Variants in IQUB observed in about 807,000 individuals in gnomAD.
The protein encoded by IQUB is IQ motif and ubiquitin domain containing, also known as IQ motif and ubiquitin-like domain-containing protein.
IQUB carries 86 observed loss-of-function variants against 86.4 expected under a neutral mutation model. The ratio of observed to expected loss-of-function variants is 1.00; its 90% CI spans 0.84 to 1.19. The LOEUF is 1.19. IQUB is among the 50% of genes most tolerant of loss of function. The pLI is 0.00. For synonymous variants in IQUB, 289 were observed against 304.5 expected, an observed-to-expected ratio of 0.95 and a Z score of 0.53; for missense variants, 946 against 916.9, an observed-to-expected ratio of 1.03 and a Z score of -0.41.
In IQUB at chr7:123,524,302, C is replaced by T. The variant is rs1330330725; in HGVS notation, c.-5+10190G>A. On this transcript the variant is annotated intron_variant, in intron 1 of 12. Transcript: ENST00000324698. ...CTGTAAATTACCTTGGGCAGTATGG[C>T]CATTTTCACGATATTGATTCTTCCT... is the stretch of plus-strand genomic sequence containing the variant. 1.1e-4 allele frequency among the ~76,000 whole-genome samples: 16 copies of T among 142,218 alleles called. No homozygotes were observed. The South Asian group carries it at 2.7e-3, about 24-fold the overall frequency. The allele number at this position is 142,218 out of a possible 152,430, so 93.3% of individuals were successfully genotyped here.
intron 8 of IQUB, among the ~76,000 whole-genome samples, chr7:123,474,498 T>G (rs958461632): frequency 4.6e-5 from 7 of 152,146 alleles, no homozygotes; most frequent in Non-Finnish European, 8.8e-5. Flanking sequence ...AAAACAGACA[T>G]TTTATAAGTA....
At position 123,452,528 on chromosome 7, in the gene IQUB, G is replaced by A. The variant is rs985445833; in HGVS notation, c.*215C>T. On this transcript the variant is annotated 3_prime_UTR_variant, in exon 13 of 13. Coordinates refer to ENST00000324698, the MANE Select transcript of IQUB (RefSeq NM_178827.5). ...TCTTTACCCCAAAATATTAATTTCA[G>A]TAACAAAATTGCATTTCAATTTAGC... 1 of 357,134 alleles carries A rather than the reference G, an allele frequency of 2.8e-6. No homozygotes were observed. The highest frequency in any genetic ancestry group is 5.0e-6 in the Non-Finnish European group (1 of 201,106). The allele number at this position is 357,134 out of a possible 1,614,324, so 22.1% of individuals were successfully genotyped here.
At chr7:123,486,098 T>C (rs1456588784) in intron 7 of IQUB, among the ~76,000 whole-genome samples, 1 of 152,112 alleles carries the variant, frequency 6.6e-6, no homozygotes, top group Non-Finnish European at 1.5e-5. Context: ...CTGGACATGA[T>C]TGTGTAGGTG....
At chr7:123,453,083 T>C (rs945121413) in intron 12 of IQUB, among the ~76,000 whole-genome samples, 158 bp from the exon 13 acceptor site, 5 of 151,884 alleles carry the variant, frequency 3.3e-5, no homozygotes, top group African/African-American at 9.7e-5. Context: ...TCAGCTCCTA[T>C]GATACTTTAA....
At chr7:123,513,662 T>C (rs1796524664) in intron 1 of IQUB, among the ~76,000 whole-genome samples, 1 of 152,206 alleles carries the variant, frequency 6.6e-6, no homozygotes, top group Non-Finnish European at 1.5e-5. Flanking sequence ...TTATTTATTC[T>C]TTTTGAGACA....
At chr7:123,472,430 G>A (rs769575575) in intron 8 of IQUB, among the ~76,000 whole-genome samples, 1 of 151,944 alleles carries the variant, frequency 6.6e-6, no homozygotes. Context: ...CTGGTTTCAA[G>A]AACTCTCAAA....
intron 7 of IQUB, among the ~76,000 whole-genome samples, chr7:123,483,120 C>T (rs547727050): frequency 5.9e-5 from 9 of 152,142 alleles, no homozygotes; most frequent in East Asian, 3.9e-4. Flanking sequence ...GTTTTCAATT[C>T]GCAGAATAAA....
At chr7:123,495,776 TTTCATTCA>T (rs549578497) in intron 7 of IQUB, among the ~76,000 whole-genome samples, 3 of 152,214 alleles carry the variant, frequency 2.0e-5, no homozygotes, top group African/African-American at 7.2e-5. Flanking sequence ...GATTTCTTCC[TTTCATTCA>T]TTCATTCATT....
At chr7:123,477,974 C>T (rs891968962) in intron 8 of IQUB, among the ~76,000 whole-genome samples, 67 of 152,244 alleles carry the variant, frequency 4.4e-4, no homozygotes, top group Admixed American at 4.1e-3. Flanking sequence ...GAAATAGGAA[C>T]GCTTTACACT....
At chr7:123,474,772 CA>C (rs1189523167) in intron 8 of IQUB, among the ~76,000 whole-genome samples, 1 of 152,118 alleles carries the variant, frequency 6.6e-6, no homozygotes, top group Non-Finnish European at 1.5e-5. Context: ...AGTCTTTAGT[CA>C]AAACTGAAGG....
At chr7:123,513,229 T>C (rs1162409007) in intron 1 of IQUB, among the ~76,000 whole-genome samples, 1 of 152,198 alleles carries the variant, frequency 6.6e-6, no homozygotes, top group Non-Finnish European at 1.5e-5. Context: ...TACTAAGTTA[T>C]AAATTTTTAA....
In IQUB at chr7:123,465,004, A is replaced by G. The variant is rs548474921; in HGVS notation, c.1587T>C (p.His529=). 25 of 1,564,000 alleles carry G rather than the reference A, an allele frequency of 1.6e-5. No homozygotes were observed. Among genetic ancestry groups the G allele is most frequent in the East Asian group, 2.3e-5 (1 of 43,072 alleles). The change falls in exon 10 of 13, where the codon CAT becomes CAC. Residue 529 remains histidine, a synonymous_variant. Transcript: ENST00000324698. ...GAATTTCCTGAGTTAGTTTACATTC[A>G]TGTTCCTATATAAAACACAAAAATA... ...LLTLKHTVKE[H]ECKLTQEILE... is the part of the protein sequence containing the mutation.
chr7:123,516,562 GAAAA>G (rs1284486073), intron 1 of IQUB, among the ~76,000 whole-genome samples: 7 of 151,954 alleles, frequency 4.6e-5, no homozygotes, highest in Non-Finnish European at 1.0e-4. Flanking sequence ...TATTAAGTGA[GAAAA>G]AGAAAGAAGG....
Position 123,464,862 on chromosome 7 carries a change from A to G in IQUB, c.1729T>C (p.Phe577Leu). ...AGGTATTTTGCAACTTCAGGATTAA[A>G]CAGAGGTGTTTTGATATAATGAAAA... ...LFFHYIKTPL[F>L]NPEVAKYLKV... Residue 577 changes from phenylalanine to leucine, a missense_variant, in exon 10 of 13, where the codon TTT becomes CTT. Transcript: ENST00000324698. The G allele has an allele frequency of 6.3e-7, 1 of 1,596,894 alleles. No homozygotes were observed.
At chr7:123,464,580 G>C (rs150796357) in intron 10 of IQUB, among the ~76,000 whole-genome samples, 11 of 151,920 alleles carry the variant, frequency 7.2e-5, no homozygotes, top group African/African-American at 2.6e-4. Context: ...TACATTCAAC[G>C]TAATGCAATA....
chr7:123,482,752 A>C (rs1795062552), intron 7 of IQUB, among the ~76,000 whole-genome samples: 1 of 152,080 alleles, frequency 6.6e-6, no homozygotes, highest in South Asian at 2.1e-4. Context: ...AATCAACCAC[A>C]AGTCTTCTCT....
chr7:123,496,583 T>C (rs1247050970), intron 7 of IQUB, 113 bp downstream of exon 7: 2 of 614,292 alleles, frequency 3.3e-6, no homozygotes, highest in East Asian at 3.0e-5. Context: ...TACTGCAAAT[T>C]TCCAAGACAT....
chr7:123,487,383 G>T (rs113053964), intron 7 of IQUB, among the ~76,000 whole-genome samples: 1,718 of 152,224 alleles, frequency 0.011, 10 homozygotes, highest in Non-Finnish European at 0.016. Flanking sequence ...GTCCTATTTT[G>T]GTATAACAGA....
At chr7:123,470,916 A>C (rs1794492271) in intron 8 of IQUB, among the ~76,000 whole-genome samples, 1 of 152,080 alleles carries the variant, frequency 6.6e-6, no homozygotes, top group Admixed American at 6.5e-5. Flanking sequence ...TTGTAACATC[A>C]ATTTACAACT....
Sources: allele counts gnomAD v4.1 joint callset (sites outside exome capture counted in the v4.1 genomes callset), GRCh38; gene constraint gnomAD v4.1.1; transcripts MANE v1.5; gene names NCBI Gene and HGNC (gene_info 2026-07-23, HGNC 2026-07-21).